Variants in ENTPD3 observed in about 807,000 individuals in gnomAD.
ENTPD3 encodes the protein CD39 antigen-like 3.
Under a neutral mutation model 51.2 loss-of-function variants are expected in ENTPD3, and 60 were observed. The observed-to-expected ratio is 1.17, with a 90% CI of 0.95 to 1.45. The LOEUF is 1.45. Ranked by LOEUF, ENTPD3 falls within the 40% of genes most tolerant of loss-of-function variation. ENTPD3 has a pLI of 0.00. For missense variants in ENTPD3, 593 were observed against 641.1 expected (o/e 0.93, Z 0.81); for synonymous variants, 221 against 238.4 (o/e 0.93, Z 0.67).
At chr3:40,402,624 A>T (rs1955391267) in intron 4 of ENTPD3, among the ~76,000 whole-genome samples, 1 of 152,006 alleles carries the variant, frequency 6.6e-6, no homozygotes, top group Non-Finnish European at 1.5e-5. Flanking sequence ...TGCCATTATT[A>T]TTATCATATT....
At chr3:40,395,879 T>C (rs1268032048) in intron 3 of ENTPD3, among the ~76,000 whole-genome samples, 9 of 152,186 alleles carry the variant, frequency 5.9e-5, no homozygotes, top group Non-Finnish European at 1.2e-4. Context: ...TAAATAATAT[T>C]GTTATTATCC....
At chr3:40,420,238 T>A (rs1180199812) in intron 7 of ENTPD3, among the ~76,000 whole-genome samples, 6 of 148,922 alleles carry the variant, frequency 4.0e-5, no homozygotes, top group Non-Finnish European at 5.9e-5. Context: ...TTTTTCTTTT[T>A]TTCTTTTTTT....
At chr3:40,389,344 G>A (rs112126748) in intron 2 of ENTPD3, among the ~76,000 whole-genome samples, 2,650 of 152,222 alleles carry the variant, frequency 0.017, 42 homozygotes, top group Middle Eastern at 0.058. Context: ...CTTTTATTTG[G>A]AATCACAGAA....
At chr3:40,420,243 T>TC (rs1282613057) in intron 7 of ENTPD3, among the ~76,000 whole-genome samples, 1 of 146,680 alleles carries the variant, frequency 6.8e-6, no homozygotes, top group Non-Finnish European at 1.5e-5. Context: ...CTTTTTTTCT[T>TC]TTTTTTTTTG....
chr3:40,409,388 C>A (rs1054069673), intron 4 of ENTPD3, among the ~76,000 whole-genome samples: 1 of 152,142 alleles, frequency 6.6e-6, no homozygotes, highest in Non-Finnish European at 1.5e-5. Context: ...AAGCCCACGG[C>A]TTATGGTGCT....
chr3:40,427,263 A>G lies in ENTPD3; in HGVS notation c.1354-9A>G. On this transcript the variant is annotated splice_polypyrimidine_tract_variant and intron_variant, in intron 10 of 10. Coordinates refer to ENST00000301825, the MANE Select transcript of ENTPD3 (RefSeq NM_001248.4). ...CCCTGAGCGCTGAGCCATCTCCTCTACTCCACAGGTGGGGAATAGCAGCAT... is the reference window on the plus strand; with the variant it reads ...CCCTGAGCGCTGAGCCATCTCCTCTGCTCCACAGGTGGGGAATAGCAGCAT... 1 of 1,610,258 alleles carries G rather than the reference A, an allele frequency of 6.2e-7. No individual in the cohort carries two copies. The highest frequency in any genetic ancestry group is 8.5e-7 in the Non-Finnish European group (1 of 1,176,986).
intron 2 of ENTPD3, chr3:40,390,961 T>A (rs186920209): frequency 3.3e-5 from 5 of 152,326 alleles, no homozygotes; most frequent in African/African-American, 1.2e-4. Context: ...CTAATTTTTT[T>A]ATTTTTATTT....
chr3:40,408,830 G>A (rs1482265358), intron 4 of ENTPD3, among the ~76,000 whole-genome samples: 1 of 152,108 alleles, frequency 6.6e-6, no homozygotes, highest in Non-Finnish European at 1.5e-5. Flanking sequence ...CTAGGAGTTT[G>A]AGACCAGCCT....
At chr3:40,389,269 C>T (rs1167520867) in intron 2 of ENTPD3, among the ~76,000 whole-genome samples, 1 of 152,222 alleles carries the variant, frequency 6.6e-6, no homozygotes, top group Non-Finnish European at 1.5e-5. Context: ...ATAACTAACA[C>T]TGACAAATGC....
intron 3 of ENTPD3, among the ~76,000 whole-genome samples, chr3:40,397,713 G>A (rs1487537778): frequency 2.0e-5 from 3 of 152,146 alleles, no homozygotes; most frequent in Non-Finnish European, 4.4e-5. Context: ...ATCCTTAAGT[G>A]TTGGACCAAG....
In ENTPD3 at chr3:40,422,872, T is replaced by C. The variant is rs74928753; in HGVS notation, c.854T>C (p.Leu285Pro). The C allele has an allele frequency of 5.4e-4, 879 of 1,612,880 alleles. 6 individuals are homozygous for C. In the African/African-American group the frequency reaches 9.8e-3, roughly 18 times the overall value. Residue 285 changes from leucine to proline, a missense_variant, in exon 8 of 11, where the codon CTC (leucine) becomes CCC (proline). By Grantham distance (98) the Leu-to-Pro change is moderately conservative. Coordinates refer to ENST00000301825, the MANE Select transcript of ENTPD3 (RefSeq NM_001248.4). Reference sequence around the variant, plus strand: ...CAGAATTCTCCTACCAAAAACCATCTCACCAATCCCTGTTACCCTCGGGAT... The same window carrying C: ...CAGAATTCTCCTACCAAAAACCATCCCACCAATCCCTGTTACCCTCGGGAT... ...LLQNSPTKNHLTNPCYPRDYS... is the reference protein window; with the variant it reads ...LLQNSPTKNHPTNPCYPRDYS...
At chr3:40,401,218 G>A (rs1418628797) in intron 4 of ENTPD3, among the ~76,000 whole-genome samples, 12 of 152,178 alleles carry the variant, frequency 7.9e-5, no homozygotes, top group Admixed American at 7.9e-4. Flanking sequence ...CTGGGCCTCA[G>A]TGTTTTATCT....
chr3:40,417,046 T>C (rs1955763885), intron 7 of ENTPD3, among the ~76,000 whole-genome samples: 1 of 151,998 alleles, frequency 6.6e-6, no homozygotes, highest in South Asian at 2.1e-4. Context: ...TCATGCAGGG[T>C]AGGTTGTGGG....
intron 2 of ENTPD3, chr3:40,391,193 A>C (rs1218386075): frequency 6.6e-6 from 1 of 151,688 alleles, no homozygotes; most frequent in Non-Finnish European, 1.5e-5. Flanking sequence ...TGAACTCCTG[A>C]CCTCAAGTGA....
intron 2 of ENTPD3, among the ~76,000 whole-genome samples, chr3:40,389,737 G>A (rs896014480): frequency 2.0e-5 from 3 of 152,342 alleles, no homozygotes; most frequent in Non-Finnish European, 4.4e-5. Context: ...GACCTACTGC[G>A]TGACTGCCCT....
intron 3 of ENTPD3, among the ~76,000 whole-genome samples, chr3:40,398,186 C>T (rs2125591702): frequency 6.6e-6 from 1 of 152,276 alleles, no homozygotes; most frequent in East Asian, 1.9e-4. Context: ...CTGGTGAAAG[C>T]TGGATCCCAG....
Position 40,399,928 on chromosome 3 carries a change from T to A in ENTPD3, c.169-966T>A, listed in dbSNP as rs528142135. On this transcript the variant is annotated intron_variant, in intron 3 of 10. Transcript: ENST00000301825. ...TTATTTTTTTATTTTGCTTTTTTTC[T>A]CCTTAATTATGAATACTTTAATTCT... is the stretch of plus-strand genomic sequence containing the variant. Among the ~76,000 whole-genome samples the A allele has an allele frequency of 1.2e-4, 19 of 152,286 alleles. No homozygotes were observed. In the South Asian group the frequency reaches 3.9e-3, roughly 32 times the overall value.
chr3:40,405,571 G>A (rs1955473224), intron 4 of ENTPD3, among the ~76,000 whole-genome samples: 1 of 151,900 alleles, frequency 6.6e-6, no homozygotes, highest in Non-Finnish European at 1.5e-5. Context: ...TTTGGCTTCT[G>A]TTTCCCCTCA....
rs953167374 is a variant in ENTPD3 at position 40,393,801 on chromosome 3, T to C, written c.168+1651T>C. Among the ~76,000 whole-genome samples, 3 of 152,006 alleles carry C rather than the reference T, an allele frequency of 2.0e-5. No individual in the cohort carries two copies. In the East Asian group the frequency reaches 5.8e-4, roughly 29 times the overall value. On this transcript the variant is annotated intron_variant, in intron 3 of 10. Transcript: ENST00000301825. ...AACTACTGTATATAAAATTGGGACTTTGGGAGGCCGAGGCGGGCGGATCAC... is the reference window on the plus strand; with the variant it reads ...AACTACTGTATATAAAATTGGGACTCTGGGAGGCCGAGGCGGGCGGATCAC...
Sources: gnomAD v4.1 joint callset for allele counts (sites outside exome capture counted in the v4.1 genomes callset) on GRCh38, gnomAD v4.1.1 for gene constraint, MANE v1.5 for transcripts, NCBI Gene and HGNC (gene_info 2026-07-23, HGNC 2026-07-21) for gene names.